Variants in SBF2 observed in about 807,000 individuals in gnomAD.
SBF2 encodes myotubularin-related protein 13.
In SBF2, 112 loss-of-function variants were observed where a neutral mutation model predicts 225.2. The ratio of observed to expected loss-of-function variants is 0.50; its 90% CI spans 0.43 to 0.58. The LOEUF (loss-of-function observed/expected upper bound fraction) is 0.58, where lower values mean the gene tolerates loss of function less well. Among genes scored for constraint, SBF2 ranks in the 20% least tolerant of loss-of-function variants. SBF2 has a pLI of 0.00. For synonymous variants in SBF2, 763 were observed against 773.3 expected, an observed-to-expected ratio of 0.99 and a Z score of 0.22; for missense variants, 1,996 against 2,206.2, an observed-to-expected ratio of 0.90 and a Z score of 1.91.
intron 16 of SBF2, among the ~76,000 whole-genome samples, chr11:9,928,606 C>G (rs939990563): frequency 1.3e-5 from 2 of 152,118 alleles, no homozygotes; most frequent in African/African-American, 4.8e-5. Context: ...TTATTTTAAA[C>G]TAGATAAATG....
intron 2 of SBF2, among the ~76,000 whole-genome samples, chr11:10,193,081 T>A (rs1957237321): frequency 6.6e-6 from 1 of 152,150 alleles, no homozygotes; most frequent in South Asian, 2.1e-4. Context: ...TATTATAAAA[T>A]AACCTTCAGA....
chr11:9,916,482 C>T lies in SBF2; in HGVS notation c.1861-20471G>A, dbSNP rs1863101508. Among the ~76,000 whole-genome samples, 2 of 152,064 alleles carry T rather than the reference C, an allele frequency of 1.3e-5. 1 individual carries two copies. Among genetic ancestry groups the T allele is most frequent in the South Asian group, 4.1e-4 (2 of 4,826 alleles). On this transcript the variant is annotated intron_variant, in intron 16 of 39. Transcript: ENST00000256190. ...TCCCTGTGCTTCAATACATTTTTTT[C>T]ACACTCGGTGAAATGTGAAGTGTTA...
chr11:9,896,935 G>A (rs1281900153), intron 16 of SBF2, among the ~76,000 whole-genome samples: 2 of 152,144 alleles, frequency 1.3e-5, no homozygotes, highest in African/African-American at 2.4e-5. Flanking sequence ...CACAGTGACT[G>A]TGGAAAACAG....
intron 18 of SBF2, among the ~76,000 whole-genome samples, chr11:9,857,976 A>T (rs900524683): frequency 2.2e-4 from 33 of 152,208 alleles, no homozygotes; most frequent in Non-Finnish European, 1.0e-4. Context: ...TCCTATAGTC[A>T]TTTCCAGGAA....
intron 2 of SBF2, among the ~76,000 whole-genome samples, chr11:10,108,894 A>T (rs560579880): frequency 6.6e-6 from 1 of 152,176 alleles, no homozygotes; most frequent in Non-Finnish European, 1.5e-5. Flanking sequence ...ACATTAGCAT[A>T]CATAAGACCA....
intron 2 of SBF2, among the ~76,000 whole-genome samples, chr11:10,129,825 G>A (rs920228670): frequency 4.6e-5 from 7 of 151,894 alleles, no homozygotes; most frequent in African/African-American, 1.5e-4. Flanking sequence ...GCAACATAGC[G>A]AGACCCCCAT....
At chr11:9,781,913 T>C (rs913991284) in intron 38 of SBF2, among the ~76,000 whole-genome samples, 5 of 152,188 alleles carry the variant, frequency 3.3e-5, no homozygotes, top group Non-Finnish European at 1.5e-5. Context: ...CTGGGCATGG[T>C]GGTTTATGCC....
At chr11:9,952,614 G>A (rs1413233740) in intron 16 of SBF2, among the ~76,000 whole-genome samples, 3 of 152,060 alleles carry the variant, frequency 2.0e-5, no homozygotes, top group African/African-American at 7.2e-5. Flanking sequence ...TTCTGCCTGT[G>A]GGTTTATGTA....
chr11:10,224,125 A>T (rs186698360), intron 1 of SBF2, among the ~76,000 whole-genome samples: 7 of 152,200 alleles, frequency 4.6e-5, no homozygotes, highest in Non-Finnish European at 7.4e-5. Flanking sequence ...TATTCATGCA[A>T]CACCTTTTTC....
intron 18 of SBF2, among the ~76,000 whole-genome samples, chr11:9,856,933 A>G (rs553250646): frequency 9.7e-4 from 148 of 151,868 alleles, no homozygotes; most frequent in Non-Finnish European, 1.9e-3. Flanking sequence ...GACTACAGTC[A>G]CCTGCCACCA....
intron 2 of SBF2, among the ~76,000 whole-genome samples, chr11:10,134,061 C>T (rs187721406): frequency 2.3e-3 from 348 of 152,282 alleles, no homozygotes; most frequent in Non-Finnish European, 3.5e-3. Flanking sequence ...CAAAGAAAGG[C>T]GTTTAATAGA....
intron 16 of SBF2, among the ~76,000 whole-genome samples, chr11:9,934,817 G>C (rs1864765944): frequency 6.6e-6 from 1 of 152,048 alleles, no homozygotes; most frequent in African/African-American, 2.4e-5. Flanking sequence ...AAAATAATAA[G>C]AGCTATTTAT....
intron 9 of SBF2, among the ~76,000 whole-genome samples, chr11:9,994,474 C>CAA (rs1289608238): frequency 1.1e-5 from 1 of 94,390 alleles, no homozygotes; most frequent in Admixed American, 1.1e-4. Flanking sequence ...GACTCCATCT[C>CAA]AAAAAAAAAA....
intron 23 of SBF2, among the ~76,000 whole-genome samples, chr11:9,846,660 A>G (rs1590211077): frequency 6.6e-6 from 1 of 152,330 alleles, no homozygotes; most frequent in East Asian, 1.9e-4. Flanking sequence ...GGCTTCATCA[A>G]ACAGGTATTG....
intron 1 of SBF2, among the ~76,000 whole-genome samples, chr11:10,272,784 T>TAAC (rs140909752): frequency 0.13 from 19,387 of 149,544 alleles, 1,396 homozygotes; most frequent in African/African-American, 0.16. Context: ...ATAATAATAA[T>TAAC]AACATGCCGG....
At chr11:9,857,977 T>C (rs1010823033) in intron 18 of SBF2, among the ~76,000 whole-genome samples, 12 of 152,216 alleles carry the variant, frequency 7.9e-5, no homozygotes, top group African/African-American at 2.9e-4. Context: ...CCTATAGTCA[T>C]TTCCAGGAAA....
At chr11:10,176,911 C>T (rs1229016707) in intron 2 of SBF2, among the ~76,000 whole-genome samples, 4 of 152,114 alleles carry the variant, frequency 2.6e-5, no homozygotes, top group Non-Finnish European at 4.4e-5. Context: ...TAGACCAATA[C>T]CCTTGGTGAA....
In SBF2 at chr11:9,785,254, C is replaced by G; in HGVS notation, c.5102G>C (p.Arg1701Thr). ...VSTNLPSYQK[R>T]SLLHLPDSSM... The stretch of plus-strand genomic sequence containing the variant: ...GCTGTCTGGGAGATGTAGCAGAGAC[C>G]TCTTCTGATAGGAAGGTAGGTTGGT... Residue 1701 changes from arginine to threonine, a missense_variant, in exon 37 of 40, where the codon AGG becomes ACG. Physicochemically the swap from Arg to Thr is moderately conservative, Grantham distance 71. Transcript: ENST00000256190. 6.2e-7 allele frequency: 1 copy of G among 1,614,154 alleles called. No homozygotes were observed. Among genetic ancestry groups the G allele is most frequent in the Non-Finnish European group, 8.5e-7 (1 of 1,179,996 alleles).
At chr11:9,790,757 A>G (rs1852689982) in intron 33 of SBF2, 74 bp from the exon 34 acceptor site, 1 of 1,167,930 alleles carries the variant, frequency 8.6e-7, no homozygotes, top group African/African-American at 1.5e-5. Flanking sequence ...TGATGCATGC[A>G]GCAGATAAAA....
Sources: gnomAD v4.1 joint callset for allele counts (sites outside exome capture counted in the v4.1 genomes callset) on GRCh38, gnomAD v4.1.1 for gene constraint, MANE v1.5 for transcripts, NCBI Gene and HGNC (gene_info 2026-07-23, HGNC 2026-07-21) for gene names.